Variants in GAB2 observed in about 807,000 individuals in gnomAD.
GAB2 encodes the protein GRB2 associated binding protein 2.
In GAB2, 26 loss-of-function variants were observed where a neutral mutation model predicts 65.5. That is an observed-to-expected ratio of 0.40 (90% CI 0.29 to 0.55). The LOEUF is 0.55. Among genes scored for constraint, GAB2 ranks in the 20% least tolerant of loss-of-function variants. The pLI, the probability that GAB2 is intolerant of heterozygous loss-of-function variation, is 0.53. For missense variants in GAB2, 884 were observed against 875.8 expected, an observed-to-expected ratio of 1.01 and a Z score of -0.12; for synonymous variants, 321 against 329.6, an observed-to-expected ratio of 0.97 and a Z score of 0.28.
chr11:78,390,377 G>C (rs1856819412), intron 1 of GAB2, among the ~76,000 whole-genome samples: 1 of 152,148 alleles, frequency 6.6e-6, no homozygotes, highest in Non-Finnish European at 1.5e-5. Context: ...CTTGAGCCCA[G>C]GAGTTTGAGA....
At chr11:78,307,635 A>AGAGAGAGAGAGAGAGG (rs1591022770) in intron 1 of GAB2, among the ~76,000 whole-genome samples, 1 of 150,444 alleles carries the variant, frequency 6.6e-6, no homozygotes, top group Admixed American at 6.7e-5. Flanking sequence ...AGAGAGAGAG[A>AGAGAGAGAGAGAGAGG]TGTTGAGTCA....
chr11:78,356,367 GA>G (rs1314230212), intron 1 of GAB2, among the ~76,000 whole-genome samples: 1 of 152,122 alleles, frequency 6.6e-6, no homozygotes, highest in African/African-American at 2.4e-5. Flanking sequence ...CTGCAAGACA[GA>G]AATGTTTATG....
rs543128195 is a variant in GAB2, at chr11:78,268,214, T to G, written c.376+12387A>C. Among the ~76,000 whole-genome samples the G allele has an allele frequency of 6.6e-5, 10 of 152,274 alleles. No homozygotes were observed. The South Asian group carries it at 2.1e-3, about 32-fold the overall frequency. ...TGAGATTTGGTTAAAAAGCAATGCT[T>G]TAAAAAAGGTTTGGAAATCACTCCT... On this transcript the variant is annotated intron_variant, in intron 2 of 9. Transcript: ENST00000361507.
intron 1 of GAB2, among the ~76,000 whole-genome samples, chr11:78,346,219 A>C (rs1360796874): frequency 1.3e-5 from 2 of 152,178 alleles, no homozygotes; most frequent in Non-Finnish European, 2.9e-5. Context: ...GATTAGCCAA[A>C]GTGAAAGGAA....
intron 3 of GAB2, among the ~76,000 whole-genome samples, chr11:78,239,779 G>A (rs1865077537): frequency 6.6e-6 from 1 of 152,166 alleles, no homozygotes; most frequent in Non-Finnish European, 1.5e-5. Flanking sequence ...GTCCCCTGAA[G>A]TCCTCATAGG....
intron 1 of GAB2, among the ~76,000 whole-genome samples, chr11:78,380,048 A>T (rs1000415212): frequency 6.6e-6 from 1 of 152,212 alleles, no homozygotes; most frequent in Non-Finnish European, 1.5e-5. Flanking sequence ...TAGTTTTAGA[A>T]ATTTCTTTAC....
chr11:78,336,361 A>C (rs1457413569), intron 1 of GAB2, among the ~76,000 whole-genome samples: 40 of 133,798 alleles, frequency 3.0e-4, no homozygotes, highest in Middle Eastern at 4.1e-3. Flanking sequence ...AAAAAAAAAA[A>C]ACACAACAAG....
intron 1 of GAB2, among the ~76,000 whole-genome samples, chr11:78,322,038 C>T (rs1465929839): frequency 6.6e-6 from 1 of 151,976 alleles, no homozygotes; most frequent in African/African-American, 2.4e-5. Flanking sequence ...GGCACAGTGG[C>T]CCACATCTGT....
rs116286425 is a variant in GAB2 at position 78,226,722 on chromosome 11, G to A, written c.950C>T (p.Pro317Leu). The change falls in exon 4 of 10, where the codon CCG (proline) becomes CTG (leucine). Residue 317 changes from proline (P) to leucine (L), a missense_variant. Coordinates refer to ENST00000361507, the MANE Select transcript of GAB2 (RefSeq NM_080491.3). ...CTGGTAGGCTGAGAGTGGGGTGGCC[G>A]GAACATCCATATTGTCTACCAGGAG... ...GDLLVDNMDV[P>L]ATPLSAYQIP... 1,653 of 1,613,908 alleles carry A rather than the reference G, an allele frequency of 1.0e-3. 21 individuals carry two copies. In the East Asian group the frequency reaches 0.025, roughly 24 times the overall value.
chr11:78,271,950 A>G (rs986734798), intron 2 of GAB2, among the ~76,000 whole-genome samples: 2 of 152,112 alleles, frequency 1.3e-5, no homozygotes, highest in African/African-American at 4.8e-5. Flanking sequence ...TTGAGATCTG[A>G]TGGTTTTAAA....
At chr11:78,384,833 T>C (rs1338017484) in intron 1 of GAB2, among the ~76,000 whole-genome samples, 1 of 152,222 alleles carries the variant, frequency 6.6e-6, no homozygotes, top group Admixed American at 6.5e-5. Context: ...CAACAGATTT[T>C]AGCCCTTTCT....
intron 1 of GAB2, among the ~76,000 whole-genome samples, chr11:78,407,948 T>G (rs1424784779): frequency 2.0e-5 from 3 of 151,804 alleles, no homozygotes; most frequent in African/African-American, 7.3e-5. Flanking sequence ...CAATATCCAG[T>G]GAAAATATCA....
At chr11:78,411,164 G>A (rs745901530) in intron 1 of GAB2, among the ~76,000 whole-genome samples, 31 of 151,028 alleles carry the variant, frequency 2.1e-4, no homozygotes, top group African/African-American at 7.3e-4. Flanking sequence ...GTGGTTGGGG[G>A]GGGGGATGGT....
At chr11:78,230,611 G>A (rs979589298) in intron 3 of GAB2, among the ~76,000 whole-genome samples, 1 of 152,196 alleles carries the variant, frequency 6.6e-6, no homozygotes, top group African/African-American at 2.4e-5. Flanking sequence ...GAAGGCAGAG[G>A]GCCATATCCT....
intron 3 of GAB2, among the ~76,000 whole-genome samples, chr11:78,238,822 A>G (rs959784652): frequency 5.3e-5 from 8 of 152,226 alleles, no homozygotes; most frequent in African/African-American, 1.2e-4. Flanking sequence ...TTCAAAGAAC[A>G]TATCAGCAGA....
At chr11:78,407,659 A>G (rs961530142) in intron 1 of GAB2, among the ~76,000 whole-genome samples, 1 of 42,324 alleles carries the variant, frequency 2.4e-5, no homozygotes, top group Non-Finnish European at 5.3e-5. Flanking sequence ...GAAAGAAAGT[A>G]AGAAAGAAAG....
chr11:78,362,313 T>G (rs1283415958), intron 1 of GAB2, among the ~76,000 whole-genome samples: 1 of 152,144 alleles, frequency 6.6e-6, no homozygotes, highest in African/African-American at 2.4e-5. Flanking sequence ...TCAAATATTT[T>G]GTGTTTAAGC....
intron 2 of GAB2, among the ~76,000 whole-genome samples, chr11:78,252,400 C>G (rs910476769): frequency 6.6e-6 from 1 of 152,220 alleles, no homozygotes. Flanking sequence ...GATGAACTCT[C>G]TAATAGTGGA....
At position 78,282,676 on chromosome 11, in the gene GAB2, T is replaced by TACC. The variant is rs1278028626; in HGVS notation, c.76-1778_76-1776dup. On this transcript the variant is annotated intron_variant, in intron 1 of 9. Transcript: ENST00000361507. The stretch of plus-strand genomic sequence containing the variant: ...CCTGCCTCATCTATATGAAAATCAC[T>TACC]ACCACCACCACCATTTTCCCTACCT... 8.5e-5 allele frequency among the ~76,000 whole-genome samples: 13 copies of TACC among 152,184 alleles called. 1 individual carries two copies. In the East Asian group the frequency reaches 2.5e-3, roughly 29 times the overall value.
Sources: allele counts gnomAD v4.1 joint callset (sites outside exome capture counted in the v4.1 genomes callset), GRCh38; gene constraint gnomAD v4.1.1; transcripts MANE v1.5; gene names NCBI Gene and HGNC (gene_info 2026-07-23, HGNC 2026-07-21).